The following KCNIP3 variants were observed in gnomAD, a reference collection of about 807,000 sequenced individuals.
KCNIP3 encodes the protein potassium voltage-gated channel interacting protein 3.
A neutral mutation model predicts 35.0 loss-of-function variants in KCNIP3; 28 were observed. The ratio of observed to expected loss-of-function variants is 0.80; its 90% CI spans 0.59 to 1.10. KCNIP3 has a LOEUF of 1.10. Among genes scored for constraint, KCNIP3 ranks in the 50% least tolerant of loss-of-function variants. The pLI, the probability that KCNIP3 is intolerant of heterozygous loss-of-function variation, is 0.00. For synonymous variants in KCNIP3, 134 were observed against 133.8 expected (o/e 1.00, Z -0.01); for missense variants, 295 against 338.4 (o/e 0.87, Z 1.01).
chr2:95,365,700 T>G (rs1679900966), intron 2 of KCNIP3, among the ~76,000 whole-genome samples: 1 of 152,150 alleles, frequency 6.6e-6, no homozygotes. Flanking sequence ...TTATTTTGTT[T>G]CTTGGCCCTC....
chr2:95,323,605 CCTT>C (rs1157688813), intron 2 of KCNIP3, among the ~76,000 whole-genome samples: 14 of 152,102 alleles, frequency 9.2e-5, no homozygotes. Context: ...CCATTTCACT[CCTT>C]CAAGTCACTG....
chr2:95,362,617 C>T (rs188944800), intron 2 of KCNIP3, among the ~76,000 whole-genome samples: 64 of 152,314 alleles, frequency 4.2e-4, no homozygotes, highest in Admixed American at 2.9e-3. Flanking sequence ...GCACAGTTCA[C>T]GGTAGGGTTT....
intron 2 of KCNIP3, among the ~76,000 whole-genome samples, chr2:95,315,308 G>A (rs1338671828): frequency 6.6e-6 from 1 of 152,194 alleles, no homozygotes; most frequent in African/African-American, 2.4e-5. Context: ...CCAGGGAGAA[G>A]TTCTTTTATT....
At chr2:95,317,521 C>T (rs1573485669) in intron 2 of KCNIP3, among the ~76,000 whole-genome samples, 1 of 152,088 alleles carries the variant, frequency 6.6e-6, no homozygotes, top group South Asian at 2.1e-4. Context: ...TGCCCCGGGG[C>T]TCTGGGCTGA....
chr2:95,330,125 T>A (rs1430809146), intron 2 of KCNIP3, among the ~76,000 whole-genome samples: 1 of 151,896 alleles, frequency 6.6e-6, no homozygotes, highest in African/African-American at 2.4e-5. Context: ...AGGGCTGGGG[T>A]GAGAAGAGGC....
chr2:95,333,651 GA>G (rs1465900393), intron 2 of KCNIP3, among the ~76,000 whole-genome samples: 1 of 152,198 alleles, frequency 6.6e-6, no homozygotes, highest in African/African-American at 2.4e-5. Context: ...GCATGGTGAG[GA>G]TTCAATGATA....
At chr2:95,368,739 C>A in intron 2 of KCNIP3, 1 of 246,086 alleles carries the variant, frequency 4.1e-6, no homozygotes, top group South Asian at 7.9e-5. Context: ...ACCACTTTGT[C>A]TCCTTCCTGA....
chr2:95,330,813 G>A (rs1246684927), intron 2 of KCNIP3, among the ~76,000 whole-genome samples: 2 of 152,208 alleles, frequency 1.3e-5, no homozygotes, highest in African/African-American at 4.8e-5. Context: ...GGCAGGCAAT[G>A]TCCCAGGCTC....
intron 1 of KCNIP3, among the ~76,000 whole-genome samples, chr2:95,306,961 C>A (rs1312831473): frequency 3.3e-5 from 5 of 152,250 alleles, no homozygotes; most frequent in Non-Finnish European, 5.9e-5. Flanking sequence ...CTCCTCCCGC[C>A]TCCCCAGCAG....
chr2:95,374,483 C>A, intron 3 of KCNIP3, 63 bp downstream of exon 3: 1 of 1,576,646 alleles, frequency 6.3e-7, no homozygotes, highest in Non-Finnish European at 8.6e-7. Flanking sequence ...GACCTGGAAA[C>A]TTCTCCATGC....
At chr2:95,350,875 G>A (rs1679501233) in intron 2 of KCNIP3, among the ~76,000 whole-genome samples, 1 of 152,202 alleles carries the variant, frequency 6.6e-6, no homozygotes, top group Admixed American at 6.5e-5. Flanking sequence ...TCTCTGTCCT[G>A]GGTCCCCCAT....
intron 2 of KCNIP3, among the ~76,000 whole-genome samples, chr2:95,335,410 A>G (rs1679037358): frequency 6.6e-6 from 1 of 152,158 alleles, no homozygotes; most frequent in African/African-American, 2.4e-5. Flanking sequence ...ATGTTCTTCC[A>G]TTGTATTCTG....
In KCNIP3 at chr2:95,384,669, C is replaced by T. The variant is rs1680444293; in HGVS notation, c.*620C>T. On this transcript the variant is annotated 3_prime_UTR_variant, in exon 9 of 9. Coordinates refer to ENST00000295225, the MANE Select transcript of KCNIP3 (RefSeq NM_013434.5). ...CCAGGATCCCCTGCTACTCCACTGACCTGGAAGAGCTGGGTACCAGGCCAC... is the reference window on the plus strand; with the variant it reads ...CCAGGATCCCCTGCTACTCCACTGATCTGGAAGAGCTGGGTACCAGGCCAC... 1 of 152,706 alleles carries T rather than the reference C, an allele frequency of 6.5e-6. No homozygotes were observed. Among genetic ancestry groups the T allele is most frequent in the Non-Finnish European group, 1.5e-5 (1 of 68,418 alleles). The allele number at this position is 152,706 out of a possible 1,614,324, so 9.5% of individuals were successfully genotyped here.
chr2:95,355,975 G>A (rs775149769), intron 2 of KCNIP3, among the ~76,000 whole-genome samples: 14 of 152,194 alleles, frequency 9.2e-5, no homozygotes, highest in Non-Finnish European at 1.8e-4. Flanking sequence ...GTGTAAAGGC[G>A]TTCCTATTTC....
chr2:95,356,733 G>T (rs1309046653), intron 2 of KCNIP3, among the ~76,000 whole-genome samples: 1 of 152,200 alleles, frequency 6.6e-6, no homozygotes, highest in South Asian at 2.1e-4. Flanking sequence ...CCCGTACCAT[G>T]CTGTTTTGGT....
chr2:95,322,684 G>A (rs148208466), intron 2 of KCNIP3, among the ~76,000 whole-genome samples: 1 of 152,312 alleles, frequency 6.6e-6, no homozygotes, highest in African/African-American at 2.4e-5. Flanking sequence ...CTGGAGAGAA[G>A]GATTTTCAAG....
rs1680373997 is a variant in KCNIP3 at position 95,382,459 on chromosome 2, AG to A, written c.639del (p.Glu213AspfsTer17). 1 of 1,607,720 alleles carries A rather than the reference AG, an allele frequency of 6.2e-7. No individual in the cohort carries two copies. The highest frequency in any genetic ancestry group is 1.3e-5 in the African/African-American group (1 of 74,624). ...YPILREDAPA[E>X]HVERFFEKMD... ...ATCCTGCGGGAGGACGCGCCGGCGG[AG>A]CACGTGGAGAGGTTCTTCGAGGTGA... On this transcript the variant is annotated frameshift_variant, in exon 7 of 9. Transcript: ENST00000295225. LOFTEE classifies it high-confidence loss of function. This position sits in a 1 kb window ranked among gnomAD's most constrained non-coding sequence, Gnocchi z 4.5.
At chr2:95,370,577 T>A (rs1378284991) in intron 2 of KCNIP3, among the ~76,000 whole-genome samples, 1 of 152,234 alleles carries the variant, frequency 6.6e-6, no homozygotes, top group East Asian at 1.9e-4. Flanking sequence ...CACGTCCTTG[T>A]CTTTTGCCTG....
Position 95,375,220 on chromosome 2 carries a change from C to CGGATT in KCNIP3, c.447+13_447+17dup, listed in dbSNP as rs1558778363. ...CCATCCACTTTGAGGTAGGTCCTCG[C>CGGATT]GGATTCCTCCCACGTGTCCTGCCCC... is the stretch of plus-strand genomic sequence containing the variant. On this transcript the variant is annotated intron_variant, in intron 5 of 8. Coordinates refer to ENST00000295225, the MANE Select transcript of KCNIP3 (RefSeq NM_013434.5). 6.2e-7 allele frequency: 1 copy of CGGATT among 1,612,634 alleles called. No homozygotes were observed. Among genetic ancestry groups the CGGATT allele is most frequent in the Admixed American group, 1.7e-5 (1 of 60,020 alleles).
Sources: gnomAD v4.1 joint callset for allele counts (sites outside exome capture counted in the v4.1 genomes callset) on GRCh38, gnomAD v4.1.1 for gene constraint, Gnocchi (gnomAD v3.1) non-coding constraint, MANE v1.5 for transcripts, NCBI Gene and HGNC (gene_info 2026-07-23, HGNC 2026-07-21) for gene names.